Variants in COL21A1 observed in about 807,000 individuals in gnomAD.
COL21A1 encodes collagen alpha-1(XXI) chain.
In COL21A1, 149 loss-of-function variants were observed where a neutral mutation model predicts 137.9. That is an observed-to-expected ratio of 1.08 (90% CI 0.95 to 1.24). COL21A1 has a LOEUF of 1.24. COL21A1 is among the 50% of genes most tolerant of loss of function. The probability of loss-of-function intolerance (pLI) is 0.00; values close to 1 mark genes in which losing one functional copy is unlikely to be tolerated. For synonymous variants in COL21A1, 456 were observed against 391.5 expected (o/e 1.16, Z -1.95); for missense variants, 1,167 against 1,158.4 (o/e 1.01, Z -0.11).
At chr6:56,097,856 A>AAAAT (rs1246419750) in intron 17 of COL21A1, among the ~76,000 whole-genome samples, 6,560 of 89,986 alleles carry the variant, frequency 0.073, 1,666 homozygotes, top group East Asian at 0.11. Flanking sequence ...AATATATATA[A>AAAAT]ATATATAAAA....
chr6:56,069,291 C>T (rs930425809), intron 21 of COL21A1, among the ~76,000 whole-genome samples, 174 bp from the exon 22 acceptor site: 11 of 151,456 alleles, frequency 7.3e-5, no homozygotes, highest in Admixed American at 2.0e-4. Flanking sequence ...AGTAAAATTT[C>T]TTGTATTTTT....
At chr6:56,300,431 T>G (rs1764254505) in intron 1 of COL21A1, among the ~76,000 whole-genome samples, 1 of 152,162 alleles carries the variant, frequency 6.6e-6, no homozygotes. Context: ...CTTACTTTAT[T>G]TTAAAAATTT....
intron 1 of COL21A1, among the ~76,000 whole-genome samples, chr6:56,254,199 T>C (rs1000629211): frequency 6.6e-6 from 1 of 152,190 alleles, no homozygotes. Context: ...GAAACTACCT[T>C]ATTTCTAACT....
rs1765252467 is a variant in COL21A1 at position 56,332,573 on chromosome 6, C to T, written c.-39+61398G>A. Among the ~76,000 whole-genome samples the T allele has an allele frequency of 2.0e-5, 3 of 147,706 alleles. No individual in the cohort carries two copies. The South Asian group carries it at 6.2e-4, about 31-fold the overall frequency. ...GGATTGGGGTTTTTAATACATGTCACCAAATAGCCCCCCCGCCCCCGCCAA... is the reference window on the plus strand; with the variant it reads ...GGATTGGGGTTTTTAATACATGTCATCAAATAGCCCCCCCGCCCCCGCCAA... On this transcript the variant is annotated intron_variant, in intron 1 of 28. Transcript: ENST00000370819.
chr6:56,265,855 T>TAC (rs535089031), intron 1 of COL21A1, among the ~76,000 whole-genome samples: 162 of 152,344 alleles, frequency 1.1e-3, no homozygotes, highest in African/African-American at 3.7e-3. Context: ...TGACTGATGC[T>TAC]ACTTGGAGTC....
chr6:56,226,372 A>G (rs968130219), intron 1 of COL21A1, among the ~76,000 whole-genome samples: 1 of 152,034 alleles, frequency 6.6e-6, no homozygotes, highest in Admixed American at 6.6e-5. Context: ...TAATGATTCT[A>G]CTGTAACTTT....
At chr6:56,259,621 C>T (rs1282524004) in intron 1 of COL21A1, among the ~76,000 whole-genome samples, 1 of 152,188 alleles carries the variant, frequency 6.6e-6, no homozygotes, top group African/African-American at 2.4e-5. Flanking sequence ...AAGAATTGGG[C>T]ACATCCAATA....
At chr6:56,255,729 C>A (rs1305980049) in intron 1 of COL21A1, among the ~76,000 whole-genome samples, 1 of 152,152 alleles carries the variant, frequency 6.6e-6, no homozygotes, top group Non-Finnish European at 1.5e-5. Context: ...ACCTGTGTAT[C>A]TGAAAGATGT....
chr6:56,098,351 A>G (rs1253221091), intron 17 of COL21A1, among the ~76,000 whole-genome samples: 1 of 57,506 alleles, frequency 1.7e-5, no homozygotes, highest in East Asian at 4.9e-4. Flanking sequence ...GTAAATATAT[A>G]AATATATATA....
At chr6:56,345,038 C>T (rs16887809) in intron 1 of COL21A1, among the ~76,000 whole-genome samples, 4,839 of 152,242 alleles carry the variant, frequency 0.032, 246 homozygotes, top group African/African-American at 0.1. Context: ...AGGTGCTTAC[C>T]TACATGAAAC....
intron 1 of COL21A1, among the ~76,000 whole-genome samples, chr6:56,378,594 ACT>A (rs1245129269): frequency 1.3e-5 from 2 of 151,912 alleles, no homozygotes; most frequent in Non-Finnish European, 2.9e-5. Flanking sequence ...CAAGGTTTTG[ACT>A]CTAGTCTCTG....
At position 56,098,374 on chromosome 6, in the gene COL21A1, A is replaced by C. The variant is rs1242057034; in HGVS notation, c.1812+3098T>G. ...ATAAATATATATATGAATATATATAAATATATATAAATATATAAATATATA... is the reference window on the plus strand; with the variant it reads ...ATAAATATATATATGAATATATATACATATATATAAATATATAAATATATA... On this transcript the variant is annotated intron_variant, in intron 17 of 29. Coordinates refer to ENST00000244728, the MANE Select transcript of COL21A1 (RefSeq NM_030820.4). Among the ~76,000 whole-genome samples, 15 of 38,950 alleles carry C rather than the reference A, an allele frequency of 3.9e-4. 2 individuals carry two copies. The highest frequency in any genetic ancestry group is 1.4e-3 in the African/African-American group (10 of 6,920). The allele number at this position is 38,950 out of a possible 152,430, so 25.6% of individuals were successfully genotyped here.
intron 17 of COL21A1, among the ~76,000 whole-genome samples, chr6:56,097,245 T>C (rs193197626): frequency 1.3e-5 from 2 of 152,102 alleles, no homozygotes; most frequent in African/African-American, 2.4e-5. Context: ...CCCCAATCCA[T>C]TGGGCTGGAG....
At chr6:56,306,647 G>C (rs978268766) in intron 1 of COL21A1, among the ~76,000 whole-genome samples, 4 of 151,928 alleles carry the variant, frequency 2.6e-5, no homozygotes, top group Non-Finnish European at 5.9e-5. Context: ...TTTTTTTCAA[G>C]GTTTTTAACT....
At chr6:56,211,288 G>A (rs1336891674) in intron 1 of COL21A1, among the ~76,000 whole-genome samples, 3 of 149,770 alleles carry the variant, frequency 2.0e-5, no homozygotes, top group Non-Finnish European at 4.5e-5. Context: ...GAAAATATTT[G>A]TAATGCACAG....
At chr6:56,191,592 A>AAAG in intron 1 of COL21A1, among the ~76,000 whole-genome samples, 1 of 10,458 alleles carries the variant, frequency 9.6e-5, no homozygotes, top group South Asian at 3.1e-3. Context: ...ACTCTATCTC[A>AAAG]AAAAAAAAAA....
At chr6:56,114,005 G>C (rs1771679204) in intron 16 of COL21A1, among the ~76,000 whole-genome samples, 1 of 152,174 alleles carries the variant, frequency 6.6e-6, no homozygotes, top group Non-Finnish European at 1.5e-5. Context: ...AAAGTGAGAA[G>C]GACTGCGTCT....
chr6:56,283,581 C>T (rs1379603156), intron 1 of COL21A1, among the ~76,000 whole-genome samples: 5 of 152,076 alleles, frequency 3.3e-5, no homozygotes, highest in African/African-American at 1.2e-4. Context: ...TAAAGGAAGA[C>T]ATATACCAAA....
intron 29 of COL21A1, 21 bp downstream of exon 29, chr6:56,059,144 T>C (rs760144076): frequency 3.8e-6 from 6 of 1,589,938 alleles, no homozygotes; most frequent in Non-Finnish European, 5.2e-6. Context: ...GTAACACTTA[T>C]GAGCAGGTAG....
Sources: gnomAD v4.1 joint callset for allele counts (sites outside exome capture counted in the v4.1 genomes callset) on GRCh38, gnomAD v4.1.1 for gene constraint, MANE v1.5 for transcripts, NCBI Gene and HGNC (gene_info 2026-07-23, HGNC 2026-07-21) for gene names.